The following BNC2 variants were observed in gnomAD, a reference collection of about 807,000 sequenced individuals.
The protein encoded by BNC2 is basonuclin zinc finger protein 2.
In BNC2, 20 loss-of-function variants were observed where a neutral mutation model predicts 76.3. The ratio of observed to expected loss-of-function variants is 0.26; its 90% CI spans 0.18 to 0.38. The LOEUF (loss-of-function observed/expected upper bound fraction) is 0.38, where lower values mean the gene tolerates loss of function less well. Among genes scored for constraint, BNC2 ranks in the 10% least tolerant of loss-of-function variants. The probability of loss-of-function intolerance (pLI) is 1.00; values close to 1 mark genes in which losing one functional copy is unlikely to be tolerated. For missense variants in BNC2, 1,382 were observed against 1,399.8 expected (o/e 0.99, Z 0.20); for synonymous variants, 582 against 514.8 (o/e 1.13, Z -1.77).
At chr9:16,593,531 C>T (rs535824946) in intron 3 of BNC2, among the ~76,000 whole-genome samples, 13 of 150,996 alleles carry the variant, frequency 8.6e-5, no homozygotes, top group African/African-American at 2.4e-4. Flanking sequence ...CTTTGGAGTG[C>T]GTGTGTGTGT....
At chr9:16,729,952 T>G (rs571582249) in intron 2 of BNC2, among the ~76,000 whole-genome samples, 5 of 152,204 alleles carry the variant, frequency 3.3e-5, no homozygotes, top group African/African-American at 1.2e-4. Context: ...TTTGCCTGTG[T>G]GTTTTTGCCT....
intron 3 of BNC2, among the ~76,000 whole-genome samples, chr9:16,625,107 T>G (rs1277002711): frequency 6.6e-6 from 1 of 152,222 alleles, no homozygotes; most frequent in Non-Finnish European, 1.5e-5. Context: ...AAAACCCCTT[T>G]GCTTTTCAGA....
intron 5 of BNC2, among the ~76,000 whole-genome samples, chr9:16,447,735 G>A (rs990783032): frequency 3.9e-5 from 6 of 151,992 alleles, no homozygotes; most frequent in African/African-American, 1.4e-4. Context: ...AGAGGCCTTG[G>A]AAACCCCCAA....
At chr9:16,694,081 G>C (rs1046920364) in intron 3 of BNC2, among the ~76,000 whole-genome samples, 6 of 152,056 alleles carry the variant, frequency 3.9e-5, no homozygotes, top group Non-Finnish European at 8.8e-5. Context: ...TTTTAGAAAA[G>C]AGTTTACTTA....
At chr9:16,862,917 T>A (rs1819446860) in intron 1 of BNC2, among the ~76,000 whole-genome samples, 2 of 2,690 alleles carry the variant, frequency 7.4e-4, no homozygotes, top group Admixed American at 0.014. Flanking sequence ...ATAGATAGAT[T>A]TTTTTTTTTT....
intron 4 of BNC2, among the ~76,000 whole-genome samples, chr9:16,555,677 C>A (rs1818808634): frequency 6.6e-6 from 1 of 152,048 alleles, no homozygotes; most frequent in Non-Finnish European, 1.5e-5. Flanking sequence ...CACCTGTGGT[C>A]CCAGCTACTC....
At chr9:16,818,809 G>A (rs772653921) in intron 1 of BNC2, among the ~76,000 whole-genome samples, 5 of 152,116 alleles carry the variant, frequency 3.3e-5, no homozygotes, top group Non-Finnish European at 4.4e-5. Context: ...TTACAGGCAC[G>A]TGCCACAGTG....
chr9:16,643,517 G>A (rs1266718576), intron 3 of BNC2, among the ~76,000 whole-genome samples: 2 of 151,908 alleles, frequency 1.3e-5, no homozygotes, highest in African/African-American at 2.4e-5. Flanking sequence ...AAATATCCAC[G>A]CATAGCCCCC....
intron 1 of BNC2, among the ~76,000 whole-genome samples, chr9:16,753,063 T>G (rs1825267974): frequency 6.6e-6 from 1 of 152,190 alleles, no homozygotes; most frequent in Non-Finnish European, 1.5e-5. Context: ...GGAAGCAAAG[T>G]AGATGACCTG....
At chr9:16,511,788 A>G (rs1822763330) in intron 5 of BNC2, among the ~76,000 whole-genome samples, 1 of 152,142 alleles carries the variant, frequency 6.6e-6, no homozygotes, top group Admixed American at 6.5e-5. Context: ...TTTTGCCGAT[A>G]AAGTAAGCAA....
intron 3 of BNC2, among the ~76,000 whole-genome samples, chr9:16,615,688 TG>T (rs1380845783): frequency 1.3e-5 from 2 of 152,198 alleles, no homozygotes. Context: ...ATGAAGGAAA[TG>T]TGTCACATAA....
chr9:16,792,263 A>G (rs571597585), intron 1 of BNC2, among the ~76,000 whole-genome samples: 13 of 152,356 alleles, frequency 8.5e-5, no homozygotes, highest in Admixed American at 2.0e-4. Context: ...ATACCAAAGC[A>G]TAAAGAAGTC....
At chr9:16,613,748 C>G (rs1820619203) in intron 3 of BNC2, among the ~76,000 whole-genome samples, 1 of 152,122 alleles carries the variant, frequency 6.6e-6, no homozygotes, top group African/African-American at 2.4e-5. Context: ...TCCTGGGTAA[C>G]CAGGACAGCA....
intron 6 of BNC2, among the ~76,000 whole-genome samples, 172 bp downstream of exon 6, chr9:16,435,383 C>T (rs1255820867): frequency 6.6e-6 from 1 of 152,152 alleles, no homozygotes; most frequent in African/African-American, 2.4e-5. Context: ...CAAGCACCAA[C>T]TGCAACAATC....
chr9:16,828,618 G>GA (rs936599832), intron 1 of BNC2, among the ~76,000 whole-genome samples: 12 of 151,184 alleles, frequency 7.9e-5, no homozygotes, highest in Non-Finnish European at 1.6e-4. Context: ...TGCCTACAGA[G>GA]AAAAAAAAAG....
intron 1 of BNC2, among the ~76,000 whole-genome samples, chr9:16,800,853 G>A (rs1370497030): frequency 6.6e-6 from 1 of 152,036 alleles, no homozygotes; most frequent in African/African-American, 2.4e-5. Flanking sequence ...ATGTTTCTAA[G>A]ATAGTTGTCT....
At chr9:16,792,345 G>A (rs1817534317) in intron 1 of BNC2, among the ~76,000 whole-genome samples, 1 of 152,144 alleles carries the variant, frequency 6.6e-6, no homozygotes, top group Non-Finnish European at 1.5e-5. Flanking sequence ...GTGTAACTCC[G>A]TAAGTGAAGT....
chr9:16,582,778 G>A (rs1161064666), intron 4 of BNC2, among the ~76,000 whole-genome samples: 5 of 152,120 alleles, frequency 3.3e-5, no homozygotes, highest in South Asian at 4.2e-4. Context: ...AGAGCTGCTC[G>A]CCTAGCTCCT....
chr9:16,774,126 T>C (rs1242745000), intron 1 of BNC2, among the ~76,000 whole-genome samples: 1 of 152,044 alleles, frequency 6.6e-6, no homozygotes, highest in Non-Finnish European at 1.5e-5. Context: ...AGATTACAGG[T>C]ACCCGCCACC....
Sources: allele counts gnomAD v4.1 joint callset (sites outside exome capture counted in the v4.1 genomes callset), GRCh38; gene constraint gnomAD v4.1.1; transcripts MANE v1.5; gene names NCBI Gene and HGNC (gene_info 2026-07-23, HGNC 2026-07-21).